Variants in SMYD3 observed in about 807,000 individuals in gnomAD.
SMYD3 encodes histone-lysine N-methyltransferase SMYD3.
SMYD3 carries 36 observed loss-of-function variants against 57.7 expected under a neutral mutation model. The ratio of observed to expected loss-of-function variants is 0.62; its 90% CI spans 0.48 to 0.82. SMYD3 has a LOEUF of 0.82. Among genes scored for constraint, SMYD3 ranks in the 40% least tolerant of loss-of-function variants. The probability of loss-of-function intolerance (pLI) is 0.00; values close to 1 mark genes in which losing one functional copy is unlikely to be tolerated. For missense variants in SMYD3, 515 were observed against 538.8 expected (o/e 0.96, Z 0.44); for synonymous variants, 211 against 195.0 (o/e 1.08, Z -0.68).
chr1:246,285,044 G>T (rs1453486014), intron 5 of SMYD3, among the ~76,000 whole-genome samples: 4 of 151,540 alleles, frequency 2.6e-5, no homozygotes, highest in South Asian at 4.2e-4. Context: ...GGTGATTTGC[G>T]AGATTTTGAT....
intron 1 of SMYD3, among the ~76,000 whole-genome samples, chr1:246,470,249 T>G (rs1436063976): frequency 1.3e-5 from 2 of 152,070 alleles, no homozygotes; most frequent in African/African-American, 2.4e-5. Flanking sequence ...CCCAGCACTT[T>G]GGGAGGTCGA....
intron 8 of SMYD3, among the ~76,000 whole-genome samples, chr1:245,913,187 A>T (rs1429520339): frequency 2.0e-5 from 3 of 152,156 alleles, no homozygotes; most frequent in Non-Finnish European, 4.4e-5. Context: ...CAGCCATAAA[A>T]AAGGATGAGT....
At chr1:246,292,472 A>G (rs1020121614) in intron 5 of SMYD3, among the ~76,000 whole-genome samples, 4 of 152,260 alleles carry the variant, frequency 2.6e-5, no homozygotes, top group African/African-American at 7.2e-5. Context: ...TAGACTTACT[A>G]TCCAATACAC....
rs182111340 is a variant in SMYD3, at chr1:246,497,867, T to C, written c.164+9187A>G. ...GGTAACACAGGGAGACCCCAGTCTC[T>C]AGAGGAAAAAAAAAAAGAAAAGGAA... On this transcript the variant is annotated intron_variant, in intron 1 of 11. Transcript: ENST00000490107. Among the ~76,000 whole-genome samples the C allele has an allele frequency of 1.9e-3, 278 of 147,888 alleles. 2 individuals are homozygous for C. Among genetic ancestry groups the C allele is most frequent in the African/African-American group, 5.8e-3 (231 of 40,076 alleles).
chr1:246,330,445 A>C (rs2065439778), intron 4 of SMYD3, 35 bp downstream of exon 4: 1 of 1,510,598 alleles, frequency 6.6e-7, no homozygotes, highest in East Asian at 2.3e-5. Flanking sequence ...CAAATTATAG[A>C]AACTTTTTTA....
Position 245,833,073 on chromosome 1 carries a change from A to AAAAAAAAC in SMYD3, c.1076+25422_1076+25423insGTTTTTTT. ...GGAATATGTGACAAAAAAAAAAAAA[A>AAAAAAAAC]AACCTGCTTTTATAATGCTGATTCA... is the stretch of plus-strand genomic sequence containing the variant. On this transcript the variant is annotated intron_variant, in intron 10 of 11. Transcript: ENST00000490107. Among the ~76,000 whole-genome samples the AAAAAAAAC allele has an allele frequency of 1.1e-4, 14 of 128,666 alleles. 1 individual carries two copies. Among genetic ancestry groups the AAAAAAAAC allele is most frequent in the Non-Finnish European group, 1.9e-4 (12 of 63,238 alleles). 84.4% of individuals were successfully genotyped at this position (128,666 alleles called of 152,430 possible).
At chr1:246,078,916 T>A (rs904852092) in intron 5 of SMYD3, among the ~76,000 whole-genome samples, 6 of 152,152 alleles carry the variant, frequency 3.9e-5, no homozygotes, top group Non-Finnish European at 8.8e-5. Context: ...CAGAGATACA[T>A]CATCAGACAG....
intron 8 of SMYD3, among the ~76,000 whole-genome samples, chr1:245,868,488 T>A (rs1403165654): frequency 6.6e-6 from 1 of 152,168 alleles, no homozygotes; most frequent in Non-Finnish European, 1.5e-5. Context: ...TATTCTTCTA[T>A]CAAGCAGGGT....
At chr1:246,153,494 G>A (rs2061976015) in intron 5 of SMYD3, among the ~76,000 whole-genome samples, 1 of 152,062 alleles carries the variant, frequency 6.6e-6, no homozygotes. Flanking sequence ...GCTTTTCAGG[G>A]TTTCACTCTG....
At chr1:246,480,580 G>A (rs747427059) in intron 1 of SMYD3, among the ~76,000 whole-genome samples, 1 of 152,198 alleles carries the variant, frequency 6.6e-6, no homozygotes, top group Non-Finnish European at 1.5e-5. Flanking sequence ...AAGGGGAAAA[G>A]ATATAACTAC....
chr1:246,022,522 T>C (rs1281723282), intron 5 of SMYD3, among the ~76,000 whole-genome samples: 2 of 152,174 alleles, frequency 1.3e-5, no homozygotes, highest in African/African-American at 2.4e-5. Flanking sequence ...CGTCTGTATA[T>C]AAAGAGTTTA....
chr1:246,349,880 G>A (rs975285027), intron 2 of SMYD3, among the ~76,000 whole-genome samples: 4 of 151,860 alleles, frequency 2.6e-5, no homozygotes, highest in Admixed American at 1.3e-4. Context: ...AAATAACAAG[G>A]GCAACAAATA....
At chr1:245,866,080 T>C (rs2051822635) in intron 8 of SMYD3, among the ~76,000 whole-genome samples, 1 of 152,152 alleles carries the variant, frequency 6.6e-6, no homozygotes, top group Admixed American at 6.5e-5. Flanking sequence ...AGGAGGTTTA[T>C]AGAACGACCC....
chr1:246,347,400 A>G (rs2065740495), intron 2 of SMYD3, among the ~76,000 whole-genome samples: 1 of 152,232 alleles, frequency 6.6e-6, no homozygotes, highest in African/African-American at 2.4e-5. Flanking sequence ...AACTACAGAA[A>G]ATCAAAAGTT....
chr1:245,851,882 C>A (rs1217796759), intron 10 of SMYD3, among the ~76,000 whole-genome samples: 4 of 152,270 alleles, frequency 2.6e-5, no homozygotes, highest in South Asian at 2.1e-4. Flanking sequence ...GATGTATGGC[C>A]AGGAGGTGAC....
At chr1:246,214,731 A>G (rs1166967219) in intron 5 of SMYD3, among the ~76,000 whole-genome samples, 1 of 152,136 alleles carries the variant, frequency 6.6e-6, no homozygotes, top group African/African-American at 2.4e-5. Context: ...AAAGACAGCT[A>G]CCGGAATATT....
rs188335000 is a variant in SMYD3, at chr1:245,927,775, G to A, written c.702+156C>T. On this transcript the variant is annotated intron_variant, in intron 7 of 11. Transcript: ENST00000490107. ...TGTAATTTGGGAGAAGAAAGGATAG[G>A]TTGCTGGGGAGAGGTGACTGAACTA... Among the ~76,000 whole-genome samples, 265 of 152,298 alleles carry A rather than the reference G, an allele frequency of 1.7e-3. 1 individual carries two copies. Among genetic ancestry groups the A allele is most frequent in the Non-Finnish European group, 2.8e-3 (189 of 68,022 alleles).
chr1:246,195,681 T>C (rs1412493551), intron 5 of SMYD3, among the ~76,000 whole-genome samples: 1 of 152,202 alleles, frequency 6.6e-6, no homozygotes, highest in African/African-American at 2.4e-5. Flanking sequence ...AATTTTACCT[T>C]CTGTGTTAAC....
intron 8 of SMYD3, among the ~76,000 whole-genome samples, chr1:245,893,482 A>T (rs2053524754): frequency 7.9e-6 from 1 of 127,074 alleles, no homozygotes; most frequent in Non-Finnish European, 1.6e-5. Context: ...TTAGAAAAAC[A>T]AACTATGAAA....
Sources: allele counts gnomAD v4.1 joint callset (sites outside exome capture counted in the v4.1 genomes callset), GRCh38; gene constraint gnomAD v4.1.1; transcripts MANE v1.5; gene names NCBI Gene and HGNC (gene_info 2026-07-23, HGNC 2026-07-21).